NPAS3: variants seen among roughly 807,000 people sequenced by gnomAD.
NPAS3 encodes neuronal PAS domain-containing protein 3.
A neutral mutation model predicts 73.1 loss-of-function variants in NPAS3; 14 were observed. That is an observed-to-expected ratio of 0.19 (90% CI 0.13 to 0.30). The LOEUF (loss-of-function observed/expected upper bound fraction) is 0.30. Among genes scored for constraint, NPAS3 ranks in the 10% least tolerant of loss-of-function variants. NPAS3 has a pLI of 1.00. For missense variants in NPAS3, 1,096 were observed against 1,250.0 expected, an observed-to-expected ratio of 0.88 and a Z score of 1.86; for synonymous variants, 620 against 541.5, an observed-to-expected ratio of 1.14 and a Z score of -2.01.
At chr14:32,937,822 C>T (rs940554665), upstream of NPAS3, among the ~76,000 whole-genome samples, 1 of 152,148 alleles carries the variant, frequency 6.6e-6, no homozygotes, top group Non-Finnish European at 1.5e-5. Context: ...TTCTACTTGC[C>T]TGGTTGACAC....
chr14:33,087,270 G>A lies in NPAS3; in HGVS notation c.140+31276G>A, dbSNP rs141174453. ...GTACAATATTGTACAATATTATTATGTATAATTCTCTTCCATTAAAACATT... is the reference window on the plus strand; with the variant it reads ...GTACAATATTGTACAATATTATTATATATAATTCTCTTCCATTAAAACATT... On this transcript the variant is annotated intron_variant, in intron 2 of 11. Coordinates refer to ENST00000356141, the Ensembl canonical transcript of NPAS3. 2.2e-3 allele frequency among the ~76,000 whole-genome samples: 233 copies of A among 105,910 alleles called. 2 individuals carry two copies. The East Asian group carries it at 0.026, about 12-fold the overall frequency. The allele number at this position is 105,910 out of a possible 152,430, so 69.5% of individuals were successfully genotyped here.
intron 7 of NPAS3, among the ~76,000 whole-genome samples, chr14:33,769,838 C>A (rs1462992822): frequency 2.1e-5 from 3 of 140,314 alleles, no homozygotes; most frequent in African/African-American, 8.1e-5. Context: ...AATCACGGCT[C>A]ACTGCAGCAT....
At chr14:32,958,797 G>A (rs190394651) in intron 1 of NPAS3, among the ~76,000 whole-genome samples, 19 of 152,262 alleles carry the variant, frequency 1.2e-4, no homozygotes, top group African/African-American at 3.4e-4. Flanking sequence ...GAGTGAGTGG[G>A]TAAATAAATA....
chr14:33,767,080 C>G (rs1271595092), intron 7 of NPAS3, among the ~76,000 whole-genome samples: 2 of 152,216 alleles, frequency 1.3e-5, no homozygotes, highest in African/African-American at 4.8e-5. Flanking sequence ...ATGGCGCTTG[C>G]ATCTGTGGAA....
intron 9 of NPAS3, among the ~76,000 whole-genome samples, chr14:33,780,059 G>C (rs1341792862): frequency 2.6e-5 from 4 of 152,186 alleles, no homozygotes; most frequent in African/African-American, 9.7e-5. Context: ...TGAACATCCT[G>C]TACTGTGTTT....
intron 3 of NPAS3, among the ~76,000 whole-genome samples, chr14:33,314,999 T>C (rs540940172): frequency 3.6e-4 from 55 of 152,146 alleles, no homozygotes; most frequent in African/African-American, 1.3e-3. Flanking sequence ...AGCTAAATAA[T>C]AAGTTCATAT....
At chr14:33,195,338 T>C (rs2046315078) in intron 2 of NPAS3, among the ~76,000 whole-genome samples, 1 of 152,154 alleles carries the variant, frequency 6.6e-6, no homozygotes, top group Admixed American at 6.5e-5. Flanking sequence ...TGGCGCAGTC[T>C]TGTCTCACTG....
chr14:33,396,937 T>C (rs1027939712), intron 4 of NPAS3, among the ~76,000 whole-genome samples: 1 of 152,166 alleles, frequency 6.6e-6, no homozygotes, highest in Non-Finnish European at 1.5e-5. Flanking sequence ...ACTTATTCCA[T>C]TGTGACCTTC....
intron 1 of NPAS3, among the ~76,000 whole-genome samples, chr14:32,941,712 T>C (rs966360540): frequency 1.3e-5 from 2 of 151,956 alleles, no homozygotes; most frequent in African/African-American, 4.8e-5. Flanking sequence ...ATTTTAAAGG[T>C]TGGATCTGAG....
intron 5 of NPAS3, among the ~76,000 whole-genome samples, chr14:33,609,915 T>A (rs2057698243): frequency 6.6e-6 from 1 of 152,194 alleles, no homozygotes; most frequent in African/African-American, 2.4e-5. Context: ...GCTGGGGTTT[T>A]AAATTGTTCA....
At chr14:33,118,202 A>G (rs2043127496) in intron 2 of NPAS3, among the ~76,000 whole-genome samples, 2 of 152,038 alleles carry the variant, frequency 1.3e-5, no homozygotes, top group Admixed American at 1.3e-4. Context: ...CTTTAATATT[A>G]TATAATATTG....
At chr14:33,123,566 G>A (rs1357040437) in intron 2 of NPAS3, among the ~76,000 whole-genome samples, 1 of 152,084 alleles carries the variant, frequency 6.6e-6, no homozygotes, top group Non-Finnish European at 1.5e-5. Context: ...GGAGGCAGAA[G>A]AAACCACTAT....
chr14:33,063,742 C>T (rs1046380859), intron 2 of NPAS3, among the ~76,000 whole-genome samples: 1 of 152,168 alleles, frequency 6.6e-6, no homozygotes, highest in Non-Finnish European at 1.5e-5. Context: ...CGCATTAGAC[C>T]TCAGGCTATC....
At chr14:33,605,819 C>CAATT (rs1002428229) in intron 5 of NPAS3, among the ~76,000 whole-genome samples, 18 of 151,268 alleles carry the variant, frequency 1.2e-4, no homozygotes, top group African/African-American at 4.4e-4. Context: ...AGATTCAATA[C>CAATT]AATTCCAATC....
intron 4 of NPAS3, among the ~76,000 whole-genome samples, chr14:33,426,931 A>G (rs2048577702): frequency 1.3e-5 from 2 of 152,120 alleles, no homozygotes; most frequent in Non-Finnish European, 2.9e-5. Context: ...AAAATAAGCC[A>G]GAGGCTTTCA....
intron 3 of NPAS3, among the ~76,000 whole-genome samples, chr14:33,350,582 C>T (rs576100562): frequency 6.6e-6 from 1 of 152,334 alleles, no homozygotes; most frequent in Non-Finnish European, 1.5e-5. Flanking sequence ...TAAGAACAAA[C>T]GCACTGAAGA....
At chr14:33,698,007 T>C (rs1246767129) in intron 6 of NPAS3, among the ~76,000 whole-genome samples, 1 of 152,260 alleles carries the variant, frequency 6.6e-6, no homozygotes, top group Non-Finnish European at 1.5e-5. Flanking sequence ...TTCTTTCTTG[T>C]ATACTTTCAA....
chr14:33,175,602 A>C (rs181490509), intron 2 of NPAS3, among the ~76,000 whole-genome samples: 1 of 152,300 alleles, frequency 6.6e-6, no homozygotes, highest in African/African-American at 2.4e-5. Flanking sequence ...TGCTTCTCTA[A>C]GAAGGTGTTT....
At chr14:33,182,522 A>G (rs1253203375) in intron 2 of NPAS3, among the ~76,000 whole-genome samples, 1 of 152,226 alleles carries the variant, frequency 6.6e-6, no homozygotes, top group Non-Finnish European at 1.5e-5. Context: ...GCATGAAAGT[A>G]TAGTTGTATT....
Sources: allele counts gnomAD v4.1 joint callset (sites outside exome capture counted in the v4.1 genomes callset), GRCh38; gene constraint gnomAD v4.1.1; transcripts MANE v1.5; gene names NCBI Gene and HGNC (gene_info 2026-07-23, HGNC 2026-07-21).